The following PCDH11X variants were observed in gnomAD, a reference collection of about 807,000 sequenced individuals.
The protein encoded by PCDH11X is protocadherin 11 X-linked.
Under a neutral mutation model 53.3 loss-of-function variants are expected in PCDH11X, and 18 were observed. The observed-to-expected ratio is 0.34, with a 90% CI of 0.23 to 0.50. PCDH11X has a LOEUF of 0.50. Among genes scored for constraint, PCDH11X ranks in the 20% least tolerant of loss-of-function variants. The pLI, the probability that PCDH11X is intolerant of heterozygous loss-of-function variation, is 0.98. For synonymous variants in PCDH11X, 279 were observed against 393.3 expected (o/e 0.71, Z 3.44); for missense variants, 570 against 1,032.4 (o/e 0.55, Z 6.14).
chrX:91,869,658 C>A, intron 5 of PCDH11X, among the ~76,000 whole-genome samples: 1 of 110,927 alleles, frequency 9.0e-6, no homozygotes, highest in Non-Finnish European at 1.9e-5. Flanking sequence ...TATTGCATAT[C>A]TTCCCAATTA....
chrX:92,415,782 G>A (rs776196233), intron 9 of PCDH11X, among the ~76,000 whole-genome samples: 2 of 111,172 alleles, frequency 1.8e-5, no homozygotes, highest in Admixed American at 1.9e-4. Flanking sequence ...ATAAGAATTC[G>A]AGGACACAAT....
chrX:92,249,223 A>G (rs1319413021), intron 7 of PCDH11X, among the ~76,000 whole-genome samples: 1 of 111,362 alleles, frequency 9.0e-6, no homozygotes, highest in Non-Finnish European at 1.9e-5. Flanking sequence ...TCTAGTAAAT[A>G]AGAAAGATCA....
intron 5 of PCDH11X, among the ~76,000 whole-genome samples, chrX:91,851,777 A>G (rs1277657945): frequency 2.7e-5 from 3 of 111,526 alleles, no homozygotes; most frequent in African/African-American, 9.8e-5. Context: ...TTACATATGC[A>G]TTGATTTTTA....
At chrX:92,109,665 AC>A in intron 6 of PCDH11X, among the ~76,000 whole-genome samples, 1 of 111,779 alleles carries the variant, frequency 8.9e-6, no homozygotes, top group Non-Finnish European at 1.9e-5. Flanking sequence ...AAGCTGCATG[AC>A]CCCTAAACGT....
chrX:91,803,390 C>T (rs766549203), intron 1 of PCDH11X, among the ~76,000 whole-genome samples: 161 of 110,758 alleles, frequency 1.5e-3, no homozygotes, highest in African/African-American at 5.1e-3. Context: ...GGATTTCAAA[C>T]AGAAGAGCTC....
At chrX:92,380,462 G>C (rs1231742550) in intron 8 of PCDH11X, among the ~76,000 whole-genome samples, 1 of 112,147 alleles carries the variant, frequency 8.9e-6, no homozygotes, top group Non-Finnish European at 1.9e-5. Context: ...GTTTCTGTCT[G>C]GTGAAGCAAC....
chrX:92,192,970 C>G (rs763573330), intron 6 of PCDH11X, among the ~76,000 whole-genome samples: 87 of 111,697 alleles, frequency 7.8e-4, no homozygotes, highest in Non-Finnish European at 1.2e-3. Context: ...AACCCCTGAT[C>G]TCAAGTGATC....
chrX:91,899,724 G>A (rs1940885287), intron 6 of PCDH11X, among the ~76,000 whole-genome samples: 1 of 111,062 alleles, frequency 9.0e-6, no homozygotes, highest in African/African-American at 3.3e-5. Context: ...TGAAATCAAT[G>A]ACTCTTATGT....
chrX:91,873,798 C>T (rs1939448569), intron 5 of PCDH11X, among the ~76,000 whole-genome samples: 1 of 111,447 alleles, frequency 9.0e-6, no homozygotes, highest in Admixed American at 9.5e-5. Context: ...GGAACATTTT[C>T]CTTGTTCTTT....
chrX:92,114,203 C>A, intron 6 of PCDH11X: 2 of 1,078,515 alleles, frequency 1.9e-6, no homozygotes, highest in African/African-American at 1.8e-5. Context: ...ATCGATATGG[C>A]AAATGTGGCC....
intron 9 of PCDH11X, among the ~76,000 whole-genome samples, chrX:92,435,893 T>A (rs896337548): frequency 5.5e-5 from 6 of 108,832 alleles, no homozygotes; most frequent in African/African-American, 2.0e-4. Flanking sequence ...GCCAGCATAA[T>A]AACCAGCTAA....
At chrX:92,448,142 A>G (rs2072697327) in intron 9 of PCDH11X, among the ~76,000 whole-genome samples, 1 of 102,770 alleles carries the variant, frequency 9.7e-6, no homozygotes, top group African/African-American at 3.6e-5. Context: ...CTTGTCTCAG[A>G]TGAGATGTTG....
chrX:91,929,451 C>A (rs1404264107), intron 6 of PCDH11X, among the ~76,000 whole-genome samples: 1 of 110,103 alleles, frequency 9.1e-6, no homozygotes, highest in Non-Finnish European at 1.9e-5. Flanking sequence ...GTAAGGAAAT[C>A]GAAGCCCAAA....
intron 10 of PCDH11X, among the ~76,000 whole-genome samples, chrX:92,470,441 C>G (rs897434949): frequency 9.7e-6 from 1 of 102,636 alleles, no homozygotes; most frequent in African/African-American, 3.6e-5. Flanking sequence ...CCCTTTATTT[C>G]TTTCTCTTGT....
intron 6 of PCDH11X, among the ~76,000 whole-genome samples, chrX:91,903,717 A>G (rs1941047449): frequency 9.2e-6 from 1 of 108,877 alleles, no homozygotes; most frequent in Non-Finnish European, 1.9e-5. Flanking sequence ...AGTAGAAAAA[A>G]ATGTGATAAC....
intron 10 of PCDH11X, among the ~76,000 whole-genome samples, chrX:92,540,709 A>G (rs2074741208): frequency 9.4e-6 from 1 of 106,929 alleles, no homozygotes; most frequent in Non-Finnish European, 1.9e-5. Flanking sequence ...AGGCCCATGG[A>G]GTACTCCCTG....
chrX:91,920,445 T>C (rs1293161770), intron 6 of PCDH11X, among the ~76,000 whole-genome samples: 1 of 107,742 alleles, frequency 9.3e-6, no homozygotes, highest in Non-Finnish European at 1.9e-5. Context: ...CACAAGGAAA[T>C]GAGGCTTTAA....
At chrX:91,945,223 T>C (rs1201268730) in intron 6 of PCDH11X, among the ~76,000 whole-genome samples, 5 of 103,379 alleles carry the variant, frequency 4.8e-5, no homozygotes, top group Non-Finnish European at 9.9e-5. Flanking sequence ...AAATGACTAA[T>C]TTTATTTCAA....
chrX:92,018,286 A>ATAATGATAATT (rs896253094), intron 6 of PCDH11X, among the ~76,000 whole-genome samples: 10 of 112,235 alleles, frequency 8.9e-5, no homozygotes, highest in African/African-American at 3.2e-4. Flanking sequence ...GTTTTAAAAA[A>ATAATGATAATT]TAATGATAAT....
Sources: allele counts gnomAD v4.1 joint callset (sites outside exome capture counted in the v4.1 genomes callset), GRCh38; gene constraint gnomAD v4.1.1; transcripts MANE v1.5; gene names NCBI Gene and HGNC (gene_info 2026-07-23, HGNC 2026-07-21).